NRXN3: variants seen among roughly 807,000 people sequenced by gnomAD.
NRXN3 encodes the protein neurexin III.
NRXN3 carries 32 observed loss-of-function variants against 137.6 expected under a neutral mutation model. The observed-to-expected ratio is 0.23, with a 90% CI of 0.18 to 0.31. The LOEUF (loss-of-function observed/expected upper bound fraction) is 0.31. NRXN3 is among the 10% of genes least tolerant of loss of function. NRXN3 has a pLI of 1.00. For synonymous variants in NRXN3, 798 were observed against 784.5 expected (o/e 1.02, Z -0.29); for missense variants, 1,574 against 2,062.5 (o/e 0.76, Z 4.59).
At chr14:79,611,695 A>G (rs2098105038) in intron 16 of NRXN3, 1 of 152,242 alleles carries the variant, frequency 6.6e-6, no homozygotes, top group Non-Finnish European at 1.5e-5. Context: ...ACCAATGATC[A>G]TGAATAAATT....
At chr14:78,702,292 A>C in intron 6 of NRXN3, among the ~76,000 whole-genome samples, 1 of 104,100 alleles carries the variant, frequency 9.6e-6, no homozygotes, top group South Asian at 3.1e-4. Flanking sequence ...ACATATATGA[A>C]GTTCATAAAT....
chr14:79,295,042 T>C (rs2083824235), intron 15 of NRXN3, among the ~76,000 whole-genome samples: 1 of 152,152 alleles, frequency 6.6e-6, no homozygotes, highest in African/African-American at 2.4e-5. Context: ...CGCTCTTCCA[T>C]GGGCTCTTCG....
chr14:79,451,023 G>A lies in NRXN3; in HGVS notation c.3263-16198G>A, dbSNP rs539476339. ...TGATTTGTTTCCACCAGTCATCACT[G>A]TCACCTCAGACAAATTCTGTAACTT... On this transcript the variant is annotated intron_variant, in intron 15 of 20. Transcript: ENST00000335750. Among the ~76,000 whole-genome samples the A allele has an allele frequency of 2.6e-5, 4 of 152,198 alleles. No individual in the cohort carries two copies. In the South Asian group the frequency reaches 8.3e-4, roughly 32 times the overall value.
At chr14:79,237,080 G>GTT (rs778317264) in intron 15 of NRXN3, among the ~76,000 whole-genome samples, 4 of 144,380 alleles carry the variant, frequency 2.8e-5, no homozygotes, top group Admixed American at 6.9e-5. Context: ...TCACAAGGGT[G>GTT]TTTTTTTTTT....
chr14:78,781,581 A>G (rs2098769797), intron 8 of NRXN3, among the ~76,000 whole-genome samples: 1 of 152,190 alleles, frequency 6.6e-6, no homozygotes. Context: ...AAAATGTATG[A>G]CTCAACCAAA....
chr14:79,310,332 G>A (rs1182318113), intron 15 of NRXN3, among the ~76,000 whole-genome samples: 1 of 99,064 alleles, frequency 1.0e-5, no homozygotes, highest in Non-Finnish European at 1.9e-5. Context: ...TTTGGTTACT[G>A]TAGCCTTGTA....
rs74891898 is a variant in NRXN3 at position 79,342,497 on chromosome 14, CT to C, written c.3263-124711del. ...TTATGTGTGTGCCCAAGTACTACTA[CT>C]TTTTTTTTTTTTCCTTTGGCTTCCC... On this transcript the variant is annotated intron_variant, in intron 15 of 20. Coordinates refer to ENST00000335750, the MANE Select transcript of NRXN3 (RefSeq NM_001330195.2). Among the ~76,000 whole-genome samples the C allele has an allele frequency of 5.3e-3, 773 of 145,344 alleles. 3 individuals carry two copies. The highest frequency in any genetic ancestry group is 0.014 in the African/African-American group (575 of 39,918).
At chr14:78,814,383 G>A (rs1022620774) in intron 10 of NRXN3, among the ~76,000 whole-genome samples, 3 of 152,158 alleles carry the variant, frequency 2.0e-5, no homozygotes, top group Non-Finnish European at 4.4e-5. Flanking sequence ...TTGGGAGGCC[G>A]AGGTAGGCAG....
At chr14:78,621,678 A>G (rs2152501840) in intron 4 of NRXN3, among the ~76,000 whole-genome samples, 1 of 152,160 alleles carries the variant, frequency 6.6e-6, no homozygotes, top group East Asian at 1.9e-4. Context: ...TTCCCATTAA[A>G]TTGTACATAA....
chr14:78,633,298 T>G (rs1348784954), intron 4 of NRXN3, among the ~76,000 whole-genome samples: 3 of 141,876 alleles, frequency 2.1e-5, no homozygotes, highest in Admixed American at 2.1e-4. Flanking sequence ...GATGAAGAAA[T>G]GACAAAAATG....
chr14:78,607,287 A>T (rs1374642555), intron 4 of NRXN3, among the ~76,000 whole-genome samples: 1 of 152,188 alleles, frequency 6.6e-6, no homozygotes, highest in Non-Finnish European at 1.5e-5. Context: ...AATATATGGA[A>T]TCCTTTCCCG....
intron 15 of NRXN3, among the ~76,000 whole-genome samples, chr14:79,409,641 ATATC>A (rs1269357368): frequency 1.4e-5 from 2 of 145,404 alleles, no homozygotes; most frequent in South Asian, 4.3e-4. Flanking sequence ...ATATATATAT[ATATC>A]CTCAAAATTT....
At chr14:78,517,270 T>C (rs1468494770) in intron 4 of NRXN3, among the ~76,000 whole-genome samples, 3 of 152,132 alleles carry the variant, frequency 2.0e-5, no homozygotes, top group African/African-American at 7.2e-5. Flanking sequence ...CTATTTAATA[T>C]GTTGATTTAA....
chr14:78,619,020 A>G (rs969787073), intron 4 of NRXN3, among the ~76,000 whole-genome samples: 2 of 152,136 alleles, frequency 1.3e-5, no homozygotes, highest in African/African-American at 4.8e-5. Flanking sequence ...TACATAGTTG[A>G]CCTTCAAACC....
At chr14:79,754,112 G>A (rs1225413453) in intron 19 of NRXN3, among the ~76,000 whole-genome samples, 3 of 151,810 alleles carry the variant, frequency 2.0e-5, no homozygotes, top group Admixed American at 2.0e-4. Flanking sequence ...ACGTAAGGTT[G>A]GGAGTTCAAG....
chr14:79,126,853 T>G (rs1029648737), intron 15 of NRXN3, among the ~76,000 whole-genome samples: 3 of 152,180 alleles, frequency 2.0e-5, no homozygotes, highest in Admixed American at 6.5e-5. Context: ...CCTGACTTTT[T>G]AATGATTGCC....
chr14:79,221,547 C>T (rs1280742862), intron 15 of NRXN3, among the ~76,000 whole-genome samples: 1 of 152,146 alleles, frequency 6.6e-6, no homozygotes, highest in East Asian at 1.9e-4. Flanking sequence ...ACATAAATGT[C>T]TTCTTTTGAG....
intron 19 of NRXN3, among the ~76,000 whole-genome samples, chr14:79,778,924 G>T (rs1346646798): frequency 6.6e-6 from 1 of 152,180 alleles, no homozygotes; most frequent in Admixed American, 6.5e-5. Context: ...ATTTGGGTCA[G>T]AATTGTAGTT....
chr14:78,213,276 T>TG (rs33992148), intron 1 of NRXN3, among the ~76,000 whole-genome samples: 110,897 of 151,900 alleles, frequency 0.73, 40,890 homozygotes, highest in African/African-American at 0.83. Context: ...TGATCTGAGA[T>TG]GGGGGAAGAG....
Sources: allele counts gnomAD v4.1 joint callset (sites outside exome capture counted in the v4.1 genomes callset), GRCh38; gene constraint gnomAD v4.1.1; transcripts MANE v1.5; gene names NCBI Gene and HGNC (gene_info 2026-07-23, HGNC 2026-07-21).